Variants in DLC1 observed in about 807,000 individuals in gnomAD.
DLC1 encodes the protein DLC1 Rho GTPase activating protein, also known as rho GTPase-activating protein 7.
Under a neutral mutation model 140.3 loss-of-function variants are expected in DLC1, and 54 were observed. The ratio of observed to expected loss-of-function variants is 0.38; its 90% CI spans 0.31 to 0.48. DLC1 has a LOEUF of 0.48. Ranked by LOEUF, DLC1 falls within the 20% of genes least tolerant of loss-of-function variation. The pLI is 0.96. For missense variants in DLC1, 2,536 were observed against 1,907.0 expected, an observed-to-expected ratio of 1.33 and a Z score of -6.14; for synonymous variants, 986 against 728.1, an observed-to-expected ratio of 1.35 and a Z score of -5.70.
chr8:13,377,375 C>G (rs936123341), intron 4 of DLC1, among the ~76,000 whole-genome samples: 1 of 152,106 alleles, frequency 6.6e-6, no homozygotes, highest in African/African-American at 2.4e-5. Context: ...CAAATATGAA[C>G]AATTCTGTGA....
intron 7 of DLC1, among the ~76,000 whole-genome samples, chr8:13,103,251 C>T (rs1326985651): frequency 4.0e-5 from 6 of 151,842 alleles, no homozygotes; most frequent in Non-Finnish European, 2.9e-5. Context: ...GCGGAGATTG[C>T]AGTGAGCCAA....
intron 8 of DLC1, among the ~76,000 whole-genome samples, chr8:13,101,126 G>A (rs915037688): frequency 6.6e-6 from 1 of 151,980 alleles, no homozygotes; most frequent in East Asian, 1.9e-4. Flanking sequence ...GCCTAGGCTG[G>A]TCTCAAACTC....
At chr8:13,237,212 T>TGC (rs1459540741) in intron 5 of DLC1, among the ~76,000 whole-genome samples, 2 of 129,200 alleles carry the variant, frequency 1.5e-5, no homozygotes, top group African/African-American at 5.5e-5. Flanking sequence ...TGTGTGTGTG[T>TGC]GTGTGTGTGT....
At chr8:13,289,715 G>C (rs370424181) in intron 5 of DLC1, among the ~76,000 whole-genome samples, 14 of 152,146 alleles carry the variant, frequency 9.2e-5, no homozygotes, top group African/African-American at 3.4e-4. Flanking sequence ...GGAGGAGAAG[G>C]GGGTATACAA....
intron 5 of DLC1, among the ~76,000 whole-genome samples, chr8:13,185,468 C>T (rs578095612): frequency 1.4e-4 from 21 of 151,836 alleles, no homozygotes; most frequent in South Asian, 1.3e-3. Context: ...CCACCACGCC[C>T]GGCTAATTTT....
intron 2 of DLC1, among the ~76,000 whole-genome samples, chr8:13,462,667 A>G (rs2117030294): frequency 6.6e-6 from 1 of 152,180 alleles, no homozygotes; most frequent in Non-Finnish European, 1.5e-5. Context: ...CGGTCTCCCA[A>G]AGTGCTGGGA....
chr8:13,103,500 C>T (rs914603808), intron 7 of DLC1, among the ~76,000 whole-genome samples: 1 of 151,818 alleles, frequency 6.6e-6, no homozygotes, highest in African/African-American at 2.4e-5. Context: ...CTTCCAATAA[C>T]TCTTAGGTTG....
chr8:13,344,566 C>A (rs1020061497), intron 4 of DLC1, among the ~76,000 whole-genome samples: 1 of 152,180 alleles, frequency 6.6e-6, no homozygotes, highest in Non-Finnish European at 1.5e-5. Context: ...ATACAGAGTA[C>A]GGAGTGACAA....
chr8:13,144,792 T>A (rs1469494473), intron 5 of DLC1, among the ~76,000 whole-genome samples: 1 of 152,078 alleles, frequency 6.6e-6, no homozygotes, highest in East Asian at 1.9e-4. Context: ...AAATAAATTC[T>A]CTCTCATCCA....
At chr8:13,421,037 A>G (rs1387232017) in intron 2 of DLC1, among the ~76,000 whole-genome samples, 1 of 152,180 alleles carries the variant, frequency 6.6e-6, no homozygotes, top group Admixed American at 6.5e-5. Context: ...ATAACTGCCC[A>G]TACTTCTGAT....
intron 5 of DLC1, among the ~76,000 whole-genome samples, chr8:13,242,632 A>G (rs998117953): frequency 6.6e-6 from 1 of 152,022 alleles, no homozygotes; most frequent in African/African-American, 2.4e-5. Context: ...GGCTCAAGCG[A>G]TTCTCCTACC....
rs187561097 is a variant in DLC1, at chr8:13,450,038, G to A, written c.1024-48419C>T. On this transcript the variant is annotated intron_variant, in intron 2 of 17. Coordinates refer to ENST00000276297, the MANE Select transcript of DLC1 (RefSeq NM_182643.3). ...AGTTATAGTATGCACCATTAAAATTGCCAGTTTTTAGCTCCTTATTTAGTA... is the reference window on the plus strand; with the variant it reads ...AGTTATAGTATGCACCATTAAAATTACCAGTTTTTAGCTCCTTATTTAGTA... Among the ~76,000 whole-genome samples the A allele has an allele frequency of 2.8e-3, 428 of 151,860 alleles. 1 individual carries two copies. The highest frequency in any genetic ancestry group is 0.01 in the African/African-American group (421 of 41,422).
rs577582690 is a variant in DLC1 at position 13,499,530 on chromosome 8, C to A, written c.542G>T (p.Arg181Ile). The A allele has an allele frequency of 6.2e-7, 1 of 1,614,094 alleles. No individual in the cohort carries two copies. Among genetic ancestry groups the A allele is most frequent in the African/African-American group, 1.3e-5 (1 of 75,004 alleles). Residue 181 changes from arginine to isoleucine, a missense_variant, in exon 2 of 18, where the codon AGA becomes ATA. Coordinates refer to ENST00000276297, the MANE Select transcript of DLC1 (RefSeq NM_182643.3). ...ELALVKESGE[R>I]KVTDSISKSL... ...TTTACTTATAGAGTCAGTAACTTTT[C>A]TCTCCCCACTTTCTTTTACCAGTGC...
chr8:13,339,786 A>T (rs1833959276), intron 4 of DLC1: 1 of 152,242 alleles, frequency 6.6e-6, no homozygotes, highest in African/African-American at 2.4e-5. Context: ...GAAAGCCTAT[A>T]GCAATTAGAT....
At chr8:13,205,718 G>A (rs540690826) in intron 5 of DLC1, among the ~76,000 whole-genome samples, 18 of 152,260 alleles carry the variant, frequency 1.2e-4, no homozygotes, top group African/African-American at 3.8e-4. Flanking sequence ...CACAGGCCGT[G>A]GGTTGGACAA....
intron 7 of DLC1, among the ~76,000 whole-genome samples, chr8:13,104,389 G>A (rs1302113149): frequency 6.8e-6 from 1 of 146,628 alleles, no homozygotes; most frequent in Non-Finnish European, 1.5e-5. Flanking sequence ...GAGAAATAAT[G>A]CAACAGTTGA....
At chr8:13,125,694 A>T (rs750399561) in intron 5 of DLC1, among the ~76,000 whole-genome samples, 6 of 152,038 alleles carry the variant, frequency 3.9e-5, no homozygotes, top group Non-Finnish European at 8.8e-5. Context: ...CAGTCCTAGT[A>T]AGGAATGGAA....
intron 2 of DLC1, among the ~76,000 whole-genome samples, chr8:13,431,280 G>A (rs557087717): frequency 6.5e-4 from 99 of 151,776 alleles, no homozygotes; most frequent in Non-Finnish European, 6.5e-4. Context: ...TCAGGAGATC[G>A]AGACCATCTT....
intron 5 of DLC1, among the ~76,000 whole-genome samples, chr8:13,167,913 C>G (rs1312312615): frequency 2.0e-5 from 3 of 152,154 alleles, no homozygotes; most frequent in Non-Finnish European, 4.4e-5. Flanking sequence ...ATACAATTGG[C>G]CTTCTATGAC....
Sources: allele counts gnomAD v4.1 joint callset (sites outside exome capture counted in the v4.1 genomes callset), GRCh38; gene constraint gnomAD v4.1.1; transcripts MANE v1.5; gene names NCBI Gene and HGNC (gene_info 2026-07-23, HGNC 2026-07-21).